The following OCA2 variants were observed in gnomAD, a reference collection of about 807,000 sequenced individuals.
OCA2 encodes the protein OCA2 melanosomal transmembrane protein, also known as P protein.
Under a neutral mutation model 100.2 loss-of-function variants are expected in OCA2, and 77 were observed. The ratio of observed to expected loss-of-function variants is 0.77; its 90% confidence interval spans 0.64 to 0.93. The LOEUF (loss-of-function observed/expected upper bound fraction) is 0.93. Among genes scored for constraint, OCA2 ranks in the 40% least tolerant of loss-of-function variants. The pLI is 0.00. For missense variants in OCA2, 1,062 were observed against 1,089.1 expected (o/e 0.98, Z 0.35); for synonymous variants, 432 against 439.2 (o/e 0.98, Z 0.21).
chr15:27,925,997 A>G, intron 19 of OCA2, 130 bp downstream of exon 19: 1 of 1,091,200 alleles, frequency 9.2e-7, no homozygotes, highest in Non-Finnish European at 1.3e-6. Context: ...TCCAATTACA[A>G]CCTTCATTGT....
chr15:28,023,432 A>AGGGCCACAGAC (rs1463173824), intron 5 of OCA2, among the ~76,000 whole-genome samples: 1 of 152,196 alleles, frequency 6.6e-6, no homozygotes, highest in African/African-American at 2.4e-5. Context: ...GAGCGGACCC[A>AGGGCCACAGAC]GGGCCACAGA....
At position 27,926,231 on chromosome 15, in the gene OCA2, T is replaced by C; in HGVS notation, c.1975A>G (p.Ile659Val). The C allele has an allele frequency of 6.2e-7, 1 of 1,614,102 alleles. No individual in the cohort carries two copies. ...DLGWIAILGAIWLLILADIHD... is the reference protein window; with the variant it reads ...DLGWIAILGAVWLLILADIHD... ...ATATCAGCTAAAATTAGCAACCAGA[T>C]GGCACCCAGAATAGCAATCCATCCT... Residue 659 changes from isoleucine (I) to valine (V), a missense_variant, in exon 19 of 24, where the codon ATC becomes GTC. Transcript: ENST00000354638.
intron 19 of OCA2, among the ~76,000 whole-genome samples, chr15:27,899,831 G>A (rs1265948452): frequency 6.6e-6 from 1 of 152,186 alleles, no homozygotes; most frequent in African/African-American, 2.4e-5. Flanking sequence ...CACTATCTCT[G>A]TCACAGCCCA....
At chr15:27,877,422 T>C (rs2036836450) in intron 19 of OCA2, among the ~76,000 whole-genome samples, 1 of 151,916 alleles carries the variant, frequency 6.6e-6, no homozygotes, top group Non-Finnish European at 1.5e-5. Flanking sequence ...TTCTGAAGAG[T>C]GATAAAATCT....
rs1447521150 is a variant in OCA2, at chr15:28,050,568, A to G, written c.228-18405T>C. On this transcript the variant is annotated intron_variant, in intron 2 of 23. Transcript: ENST00000354638. ...AGGGTGAGACTCCATCTCAAAAAAG[A>G]AAAAAAAAAAAAAAAAGACCAGTGC... Among the ~76,000 whole-genome samples, 17 of 65,908 alleles carry G rather than the reference A, an allele frequency of 2.6e-4. No individual in the cohort carries two copies. In the African/African-American group the frequency reaches 0.011, roughly 44 times the overall value. 43.2% of individuals were successfully genotyped at this position (65,908 alleles called of 152,430 possible). A position where few individuals can be genotyped will look rare whatever the true frequency, so the allele number is the denominator to read the frequency against.
At chr15:27,944,800 A>G (rs1047301390) in intron 18 of OCA2, among the ~76,000 whole-genome samples, 4 of 152,232 alleles carry the variant, frequency 2.6e-5, no homozygotes, top group Admixed American at 2.0e-4. Flanking sequence ...GGCAGATTTC[A>G]GTAATAATAC....
At chr15:28,024,662 G>A (rs537869043) in intron 5 of OCA2, among the ~76,000 whole-genome samples, 183 bp downstream of exon 5, 24 of 152,280 alleles carry the variant, frequency 1.6e-4, no homozygotes, top group African/African-American at 5.5e-4. Context: ...GCACAGCTGC[G>A]GCCTCGACCC....
At chr15:27,946,346 G>A (rs1317318946) in intron 18 of OCA2, among the ~76,000 whole-genome samples, 3 of 152,126 alleles carry the variant, frequency 2.0e-5, no homozygotes, top group East Asian at 1.9e-4. Context: ...CAGACAAAGC[G>A]AAAACCTAAC....
chr15:28,046,783 T>C (rs899111111), intron 2 of OCA2, among the ~76,000 whole-genome samples: 1 of 152,238 alleles, frequency 6.6e-6, no homozygotes, highest in African/African-American at 2.4e-5. Flanking sequence ...GATATTGTGA[T>C]GGAAATTTGG....
At chr15:27,934,769 T>C (rs952256733) in intron 18 of OCA2, among the ~76,000 whole-genome samples, 9 of 152,234 alleles carry the variant, frequency 5.9e-5, no homozygotes, top group African/African-American at 9.6e-5. Context: ...CACTCATCCA[T>C]CCAACTTCAG....
intron 10 of OCA2, 68 bp from the exon 11 acceptor site, chr15:27,989,734 C>T (rs1301880786): frequency 4.2e-6 from 6 of 1,416,884 alleles, no homozygotes; most frequent in Non-Finnish European, 5.9e-6. Flanking sequence ...CCTAATGAAG[C>T]GCTGCCCCCT....
chr15:28,087,452 G>C (rs2044795154), intron 1 of OCA2, among the ~76,000 whole-genome samples: 1 of 152,168 alleles, frequency 6.6e-6, no homozygotes, highest in African/African-American at 2.4e-5. Flanking sequence ...GAAGGTAAAA[G>C]AATATAGGTA....
chr15:28,065,003 G>C (rs1391848588), intron 2 of OCA2, among the ~76,000 whole-genome samples: 1 of 151,968 alleles, frequency 6.6e-6, no homozygotes, highest in Admixed American at 6.6e-5. Flanking sequence ...CCCTTTTCAT[G>C]TCTGTTTCCT....
At chr15:27,967,649 G>A (rs1429812368) in intron 14 of OCA2, among the ~76,000 whole-genome samples, 1 of 152,238 alleles carries the variant, frequency 6.6e-6, no homozygotes, top group Non-Finnish European at 1.5e-5. Context: ...GCCCATCAGG[G>A]CTGGGATCGC....
At chr15:28,018,604 A>G in intron 6 of OCA2, 47 bp from the exon 7 acceptor site, 1 of 1,582,682 alleles carries the variant, frequency 6.3e-7, no homozygotes, top group Non-Finnish European at 8.6e-7. Flanking sequence ...GAGAAACCCC[A>G]TGTCCCCGCC....
intron 23 of OCA2, among the ~76,000 whole-genome samples, chr15:27,758,528 T>C (rs183120356): frequency 6.6e-6 from 1 of 152,292 alleles, no homozygotes; most frequent in African/African-American, 2.4e-5. Flanking sequence ...GTGATACAGA[T>C]GTCGAAATTA....
In OCA2 at chr15:27,931,947, C is replaced by T. The variant is rs149935782; in HGVS notation, c.1952-5693G>A. ...CCCTAAATCCAAATTGTTCTGTATG[C>T]CACTTTTGGAAACCTGCTCTGTACC... On this transcript the variant is annotated intron_variant, in intron 18 of 23. Coordinates refer to ENST00000354638, the MANE Select transcript of OCA2 (RefSeq NM_000275.3). Among the ~76,000 whole-genome samples the T allele has an allele frequency of 9.8e-5, 15 of 152,294 alleles. No individual in the cohort carries two copies. In the East Asian group the frequency reaches 2.9e-3, roughly 29 times the overall value.
intron 19 of OCA2, among the ~76,000 whole-genome samples, chr15:27,874,945 A>T (rs2036727539): frequency 6.6e-6 from 1 of 152,252 alleles, no homozygotes; most frequent in Non-Finnish European, 1.5e-5. Context: ...TGAGGGATGC[A>T]GCTACAGGGA....
intron 14 of OCA2, among the ~76,000 whole-genome samples, chr15:27,970,973 G>A (rs1475736698): frequency 1.3e-5 from 2 of 150,628 alleles, no homozygotes; most frequent in Non-Finnish European, 3.0e-5. Context: ...TCCCCAGCAA[G>A]CACGGCATGG....
Sources: allele counts gnomAD v4.1 joint callset (sites outside exome capture counted in the v4.1 genomes callset), GRCh38; gene constraint gnomAD v4.1.1; transcripts MANE v1.5; gene names NCBI Gene and HGNC (gene_info 2026-07-23, HGNC 2026-07-21).